MRPL10: variants seen among roughly 807,000 people sequenced by gnomAD.
MRPL10 encodes large ribosomal subunit protein uL10m.
MRPL10 carries 14 observed loss-of-function variants against 19.8 expected under a neutral mutation model. The ratio of observed to expected loss-of-function variants is 0.71; its 90% CI spans 0.47 to 1.11. The LOEUF (loss-of-function observed/expected upper bound fraction) is 1.11, where lower values mean the gene tolerates loss of function less well. Among genes scored for constraint, MRPL10 ranks in the 50% least tolerant of loss-of-function variants. MRPL10 has a pLI of 0.00. For missense variants in MRPL10, 318 were observed against 339.6 expected (o/e 0.94, Z 0.50); for synonymous variants, 129 against 139.2 (o/e 0.93, Z 0.52).
chr17:47,826,473 T>C (rs1435153107), intron 4 of MRPL10, among the ~76,000 whole-genome samples, 164 bp downstream of exon 4: 1 of 152,114 alleles, frequency 6.6e-6, no homozygotes, highest in Admixed American at 6.5e-5. Flanking sequence ...ACAACACAGG[T>C]GTGGGAGTGA....
In MRPL10 at chr17:47,828,682, T is replaced by C. The variant is rs1197380495; in HGVS notation, c.53-12A>G. 4.6e-6 allele frequency: 7 copies of C among 1,506,032 alleles called. No homozygotes were observed. The highest frequency in any genetic ancestry group is 2.9e-5 in the African/African-American group (2 of 68,014). 93.3% of individuals were successfully genotyped at this position (1,506,032 alleles called of 1,614,324 possible). On this transcript the variant is annotated splice_polypyrimidine_tract_variant and intron_variant, in intron 1 of 4. Coordinates refer to ENST00000351111, the MANE Select transcript of MRPL10 (RefSeq NM_145255.4). ...GGTAGGCAGCCGGCCTGGGAGGGCA[T>C]ATAGCAACATGGTTAGAGGCAACCT...
intron 4 of MRPL10, among the ~76,000 whole-genome samples, chr17:47,825,951 C>T (rs2033525133): frequency 6.6e-6 from 1 of 150,740 alleles, no homozygotes; most frequent in Non-Finnish European, 1.5e-5. Flanking sequence ...CCAGCCTGGC[C>T]AACACGGTGA....
intron 1 of MRPL10, among the ~76,000 whole-genome samples, chr17:47,829,889 T>G (rs2033597766): frequency 7.3e-6 from 1 of 137,444 alleles, no homozygotes; most frequent in Non-Finnish European, 1.6e-5. Flanking sequence ...AGAGCAAGAC[T>G]GTCTCAAAAA....
chr17:47,827,946 T>C (rs1244818140), intron 2 of MRPL10, among the ~76,000 whole-genome samples: 1 of 143,754 alleles, frequency 7.0e-6, no homozygotes, highest in Non-Finnish European at 1.5e-5. Context: ...GGCTCATGCC[T>C]GCAATCCCAG....
At chr17:47,825,014 CAAA>C (rs5820672) in intron 4 of MRPL10, among the ~76,000 whole-genome samples, 4 of 75,592 alleles carry the variant, frequency 5.3e-5, no homozygotes, top group Admixed American at 1.6e-4. Flanking sequence ...AACTTCGTCT[CAAA>C]AAAAAAAAAA....
chr17:47,824,387 G>C lies in MRPL10; in HGVS notation c.604C>G (p.Leu202Val). 1 of 1,604,756 alleles carries C rather than the reference G, an allele frequency of 6.2e-7. No homozygotes were observed. The highest frequency in any genetic ancestry group is 8.5e-7 in the Non-Finnish European group (1 of 1,174,362). Residue 202 changes from leucine (L) to valine (V), a missense_variant, in exon 5 of 5, where the codon CTG becomes GTG. Leu to Val is a conservative substitution (Grantham distance 32). Coordinates refer to ENST00000351111, the MANE Select transcript of MRPL10 (RefSeq NM_145255.4). ...CCTCCTACAAGCTCCCCCTGCACCA[G>C]GGGCAGGCTGGGGAGCTTGGAGTAG... ...INYSKLPSLP[L>V]VQGELVGGLT... is the part of the protein sequence containing the mutation.
chr17:47,823,908 G>A lies in MRPL10; in HGVS notation c.*297C>T. ...CCGTGCAGCAAGAGGCAGTGACCAA[G>A]GAGGCAGGGGACAATAGCCCTATCT... On this transcript the variant is annotated 3_prime_UTR_variant, in exon 5 of 5. Coordinates refer to ENST00000351111, the MANE Select transcript of MRPL10 (RefSeq NM_145255.4). 2.4e-6 allele frequency: 1 copy of A among 408,438 alleles called. No homozygotes were observed. The allele number at this position is 408,438 out of a possible 1,614,324, so 25.3% of individuals were successfully genotyped here.
chr17:47,824,034 A>T lies in MRPL10; in HGVS notation c.*171T>A. On this transcript the variant is annotated 3_prime_UTR_variant, in exon 5 of 5. Coordinates refer to ENST00000351111, the MANE Select transcript of MRPL10 (RefSeq NM_145255.4). Reference sequence around the variant, plus strand: ...GACGAAGCCGGTGACTGACATCTGAAATGGAATCCTCTGCATCTCCAAGTG... The same window carrying T: ...GACGAAGCCGGTGACTGACATCTGATATGGAATCCTCTGCATCTCCAAGTG... 1 of 794,564 alleles carries T rather than the reference A, an allele frequency of 1.3e-6. No individual in the cohort carries two copies. The highest frequency in any genetic ancestry group is 1.8e-5 in the South Asian group (1 of 55,566). The allele number at this position is 794,564 out of a possible 1,614,324, so 49.2% of individuals were successfully genotyped here.
intron 4 of MRPL10, 30 bp downstream of exon 4, chr17:47,826,607 C>T (rs777689398): frequency 6.2e-7 from 1 of 1,611,458 alleles, no homozygotes; most frequent in East Asian, 2.2e-5. Context: ...CTCTTCACCC[C>T]ACCCCTAACT....
At chr17:47,826,000 A>G (rs1166311098) in intron 4 of MRPL10, among the ~76,000 whole-genome samples, 10 of 151,456 alleles carry the variant, frequency 6.6e-5, no homozygotes, top group Non-Finnish European at 1.5e-4. Context: ...AAAAAAAATT[A>G]GCTGGGCGTG....
rs2033495348 is a variant in MRPL10, at chr17:47,824,361, G to C, written c.630C>G (p.Gly210=). Reference sequence around the variant, plus strand: ...GGGTCTGGGCTGTGAGGCAGGTGAGGCCTCCTACAAGCTCCCCCTGCACCA... The same window carrying C: ...GGGTCTGGGCTGTGAGGCAGGTGAGCCCTCCTACAAGCTCCCCCTGCACCA... The part of the protein sequence containing the change: ...LPLVQGELVG[G]LTCLTAQTHS... Residue 210 remains glycine (G), a synonymous_variant, in exon 5 of 5, where the codon GGC becomes GGG. Transcript: ENST00000351111. 6.2e-7 allele frequency: 1 copy of C among 1,612,608 alleles called. No individual in the cohort carries two copies. Among genetic ancestry groups the C allele is most frequent in the Non-Finnish European group, 8.5e-7 (1 of 1,179,088 alleles).
chr17:47,825,378 C>T (rs932721123), intron 4 of MRPL10, among the ~76,000 whole-genome samples: 7 of 152,018 alleles, frequency 4.6e-5, no homozygotes. Flanking sequence ...CCTGTAATCC[C>T]AACACTTCAG....
At chr17:47,826,302 C>T (rs1163827803) in intron 4 of MRPL10, among the ~76,000 whole-genome samples, 1 of 152,042 alleles carries the variant, frequency 6.6e-6, no homozygotes, top group African/African-American at 2.4e-5. Context: ...TGGCCCTCGG[C>T]ACCCTTTACT....
chr17:47,828,075 T>C (rs758530176), intron 2 of MRPL10, among the ~76,000 whole-genome samples: 25 of 151,488 alleles, frequency 1.7e-4, no homozygotes, highest in Non-Finnish European at 2.8e-4. Context: ...TGGTGGTACA[T>C]GCCTGTAATC....
At chr17:47,826,846 A>G in intron 3 of MRPL10, 65 bp from the exon 4 acceptor site, 1 of 1,601,946 alleles carries the variant, frequency 6.2e-7, no homozygotes, top group Non-Finnish European at 8.5e-7. Flanking sequence ...CTCGTGGGTC[A>G]TGGGCCACAT....
In MRPL10 at chr17:47,828,555, C is replaced by CG; in HGVS notation, c.167dup (p.Lys57GlufsTer101). The CG allele has an allele frequency of 6.7e-7, 1 of 1,491,158 alleles. No homozygotes were observed. Among genetic ancestry groups the CG allele is most frequent in the Non-Finnish European group, 8.9e-7 (1 of 1,123,842 alleles). The allele number at this position is 1,491,158 out of a possible 1,614,324, so 92.4% of individuals were successfully genotyped here. Reference sequence around the variant, plus strand: ...GGCATGATGGGTGGATGGCTGGTTTCGGGGGGATATATTCAGTCACAGCCA... The same window carrying CG: ...GGCATGATGGGTGGATGGCTGGTTTCGGGGGGGATATATTCAGTCACAGCCA... On this transcript the variant is annotated frameshift_variant, in exon 2 of 5. Transcript: ENST00000351111. LOFTEE classifies it high-confidence loss of function.
rs768809214 is a variant in MRPL10, at chr17:47,824,298, G to C, written c.693C>G (p.Thr231=). Residue 231 remains threonine (T), a synonymous_variant, in exon 5 of 5, where the codon ACC becomes ACG. Coordinates refer to ENST00000351111, the MANE Select transcript of MRPL10 (RefSeq NM_145255.4). ...LLQHQPLQLT[T]LLDQYIREQR... Reference sequence around the variant, plus strand: ...GCTCTCTGATGTACTGGTCCAACAGGGTGGTCAGCTGGAGGGGCTGGTGCT... The same window carrying C: ...GCTCTCTGATGTACTGGTCCAACAGCGTGGTCAGCTGGAGGGGCTGGTGCT... 1.9e-6 allele frequency: 3 copies of C among 1,614,178 alleles called. No individual in the cohort carries two copies. The highest frequency in any genetic ancestry group is 1.3e-5 in the African/African-American group (1 of 75,042).
rs372584381 is a variant in MRPL10, at chr17:47,826,645, G to A, written c.524C>T (p.Pro175Leu). 1.2e-5 allele frequency: 19 copies of A among 1,613,310 alleles called. No homozygotes were observed. Among genetic ancestry groups the A allele is most frequent in the African/African-American group, 2.7e-5 (2 of 74,906 alleles). ...VRILRTVPFL[P>L]LLGGCIDDTI... ...CAGGGGTGCTTGCTCACCTAGCAGC[G>A]GCAGGAATGGCACAGTCCTTAAGAT... Residue 175 changes from proline to leucine, a missense_variant, in exon 4 of 5, where the codon CCG becomes CTG. Pro to Leu is a moderately conservative substitution (Grantham distance 98). Coordinates refer to ENST00000351111, the MANE Select transcript of MRPL10 (RefSeq NM_145255.4).
chr17:47,824,110 C>T lies in MRPL10; in HGVS notation c.*95G>A, dbSNP rs1472077918. The T allele has an allele frequency of 1.9e-6, 3 of 1,544,444 alleles. No individual in the cohort carries two copies. Among genetic ancestry groups the T allele is most frequent in the Non-Finnish European group, 2.7e-6 (3 of 1,128,734 alleles). ...TAGTGAAAACCAAGTGACAAACACA[C>T]TCCCCGACCCCAAGTTCTTCCACAT... On this transcript the variant is annotated 3_prime_UTR_variant, in exon 5 of 5. Transcript: ENST00000351111.
Sources: allele counts gnomAD v4.1 joint callset (sites outside exome capture counted in the v4.1 genomes callset), GRCh38; gene constraint gnomAD v4.1.1; transcripts MANE v1.5; gene names NCBI Gene and HGNC (gene_info 2026-07-23, HGNC 2026-07-21).